Variants in BARD1 observed in about 807,000 individuals in gnomAD.
BARD1 encodes the protein BRCA1 associated RING domain 1.
A neutral mutation model predicts 77.0 loss-of-function variants in BARD1; 73 were observed. The ratio of observed to expected loss-of-function variants is 0.95; its 90% CI spans 0.79 to 1.15. The LOEUF is 1.15. BARD1 is among the 50% of genes most tolerant of loss of function. BARD1 has a pLI of 0.00. For synonymous variants in BARD1, 384 were observed against 338.0 expected (o/e 1.14, Z -1.49); for missense variants, 993 against 938.8 (o/e 1.06, Z -0.75).
intron 5 of BARD1, among the ~76,000 whole-genome samples, chr2:214,768,502 C>T (rs16852666): frequency 0.37 from 56,430 of 151,944 alleles, 10,606 homozygotes; most frequent in Middle Eastern, 0.44. Context: ...ACCAGCAAAG[C>T]GACTGATCTA....
In BARD1 at chr2:214,738,585, T is replaced by A. The variant is rs954007164; in HGVS notation, c.1903+6482A>T. Among the ~76,000 whole-genome samples the A allele has an allele frequency of 2.0e-5, 3 of 152,200 alleles. No homozygotes were observed. The East Asian group carries it at 5.8e-4, about 29-fold the overall frequency. Reference sequence around the variant, plus strand: ...CTGTTTTAGCTGCATGGACCACTGATGATGGTCATGGTTTTATATTAAGCT... The same window carrying A: ...CTGTTTTAGCTGCATGGACCACTGAAGATGGTCATGGTTTTATATTAAGCT... On this transcript the variant is annotated intron_variant, in intron 9 of 10. Coordinates refer to ENST00000260947, the MANE Select transcript of BARD1 (RefSeq NM_000465.4).
At chr2:214,792,561 T>A (rs928697539) in intron 2 of BARD1, 116 bp from the exon 3 acceptor site, 4 of 955,214 alleles carry the variant, frequency 4.2e-6, no homozygotes, top group Non-Finnish European at 6.1e-6. Flanking sequence ...CATACAATGG[T>A]CAATTGTAAT....
chr2:214,806,484 G>A (rs896854360), intron 1 of BARD1, among the ~76,000 whole-genome samples: 12 of 152,192 alleles, frequency 7.9e-5, no homozygotes, highest in African/African-American at 2.9e-4. Flanking sequence ...TTTCCTCCTT[G>A]AGTAAGGTGC....
intron 3 of BARD1, among the ~76,000 whole-genome samples, chr2:214,791,430 G>T (rs187170215): frequency 6.6e-6 from 1 of 152,158 alleles, no homozygotes; most frequent in Admixed American, 6.5e-5. Flanking sequence ...ATGGCATCCT[G>T]CCAGTCAAGA....
At chr2:214,764,776 A>C (rs1022731103) in intron 6 of BARD1, among the ~76,000 whole-genome samples, 1 of 152,200 alleles carries the variant, frequency 6.6e-6, no homozygotes, top group Non-Finnish European at 1.5e-5. Flanking sequence ...AAGTAACCTG[A>C]AAAGGAGGAG....
At chr2:214,807,589 T>A (rs924090634) in intron 1 of BARD1, among the ~76,000 whole-genome samples, 2 of 152,244 alleles carry the variant, frequency 1.3e-5, no homozygotes, top group Non-Finnish European at 2.9e-5. Context: ...CCCTAAGAGA[T>A]GGAATTTATT....
chr2:214,748,961 C>G (rs1309623423), intron 7 of BARD1, among the ~76,000 whole-genome samples: 1 of 152,254 alleles, frequency 6.6e-6, no homozygotes, highest in African/African-American at 2.4e-5. Context: ...TGCCCTCACA[C>G]AGTTTATATT....
At chr2:214,733,771 C>A (rs1251988587) in intron 9 of BARD1, among the ~76,000 whole-genome samples, 1 of 152,046 alleles carries the variant, frequency 6.6e-6, no homozygotes, top group East Asian at 1.9e-4. Context: ...AAATTACATC[C>A]ATGTTTTAAA....
chr2:214,735,912 C>T (rs1420556748), intron 9 of BARD1, among the ~76,000 whole-genome samples: 1 of 152,000 alleles, frequency 6.6e-6, no homozygotes, highest in African/African-American at 2.4e-5. Flanking sequence ...ACACTCAGGA[C>T]GTCTATGATT....
chr2:214,792,990 G>A (rs1052148206), intron 2 of BARD1, among the ~76,000 whole-genome samples: 1 of 151,940 alleles, frequency 6.6e-6, no homozygotes, highest in Non-Finnish European at 1.5e-5. Context: ...CTAATTTTGG[G>A]GTTTATAGAC....
chr2:214,744,984 G>C lies in BARD1; in HGVS notation c.1903+83C>G, dbSNP rs1457513104. ...CCAGAGGTAAGAAAATTAACATCAA[G>C]TTCCTTAATCACAGGCATTAATAAC... On this transcript the variant is annotated intron_variant, in intron 9 of 10. Transcript: ENST00000260947. 41 of 1,202,140 alleles carry C rather than the reference G, an allele frequency of 3.4e-5. 1 individual carries two copies. The East Asian group carries it at 9.7e-4, about 28-fold the overall frequency. 74.5% of individuals were successfully genotyped at this position (1,202,140 alleles called of 1,614,324 possible).
At chr2:214,738,032 T>A (rs959122216) in intron 9 of BARD1, among the ~76,000 whole-genome samples, 1 of 152,182 alleles carries the variant, frequency 6.6e-6, no homozygotes, top group Non-Finnish European at 1.5e-5. Context: ...TTACCTTGCA[T>A]GAGTAAGTTT....
intron 3 of BARD1, among the ~76,000 whole-genome samples, chr2:214,790,185 C>T (rs115021313): frequency 5.5e-4 from 83 of 152,174 alleles, no homozygotes; most frequent in African/African-American, 2.0e-3. Context: ...TAACTGACAA[C>T]GGTAAATCCA....
rs587781713 is a variant in BARD1, at chr2:214,809,532, C to G, written c.38G>C (p.Arg13Thr). The change falls in exon 1 of 11, where the codon AGG (arginine) becomes ACG (threonine). Residue 13 changes from arginine (R) to threonine (T), a missense_variant. Arg to Thr is a moderately conservative substitution (Grantham distance 71, BLOSUM62 -1). Coordinates refer to ENST00000260947, the MANE Select transcript of BARD1 (RefSeq NM_000465.4). ...DNRQPRNRQP[R>T]IRSGNEPRSA... is the part of the protein sequence containing the mutation. Reference sequence around the variant, plus strand: ...ACGAGGCTCGTTCCCGGAGCGGATCCTCGGCTGCCGGTTCCTCGGCTGCCG... The same window carrying G: ...ACGAGGCTCGTTCCCGGAGCGGATCGTCGGCTGCCGGTTCCTCGGCTGCCG... The G allele has an allele frequency of 6.3e-7, 1 of 1,583,258 alleles. No individual in the cohort carries two copies. The highest frequency in any genetic ancestry group is 8.6e-7 in the Non-Finnish European group (1 of 1,166,630).
chr2:214,765,568 T>C (rs1351787625), intron 6 of BARD1, among the ~76,000 whole-genome samples: 5 of 152,152 alleles, frequency 3.3e-5, no homozygotes, highest in African/African-American at 7.2e-5. Flanking sequence ...CAGTGCTCCA[T>C]CCATTAAAGT....
rs939497775 is a variant in BARD1, at chr2:214,745,937, G to A, written c.1678-83C>T. 13 of 1,480,758 alleles carry A rather than the reference G, an allele frequency of 8.8e-6. No individual in the cohort carries two copies. The East Asian group carries it at 1.1e-4, about 13-fold the overall frequency. 91.7% of individuals were successfully genotyped at this position (1,480,758 alleles called of 1,614,324 possible). A position where few individuals can be genotyped will look rare whatever the true frequency, so the allele number is the denominator to read the frequency against. Reference sequence around the variant, plus strand: ...TTAAACAGACTGTTACTTGATATAAGCTTGAATTTCATTACTTAGTTTACT... The same window carrying A: ...TTAAACAGACTGTTACTTGATATAAACTTGAATTTCATTACTTAGTTTACT... On this transcript the variant is annotated intron_variant, in intron 7 of 10. Transcript: ENST00000260947.
At chr2:214,782,702 A>G (rs1574824275) in intron 3 of BARD1, among the ~76,000 whole-genome samples, 4 of 152,152 alleles carry the variant, frequency 2.6e-5, no homozygotes, top group Admixed American at 1.3e-4. Context: ...GGAAGGCATC[A>G]AGGAGAAGTT....
chr2:214,730,762 G>A (rs770348371), intron 9 of BARD1: 4 of 493,502 alleles, frequency 8.1e-6, no homozygotes, highest in Non-Finnish European at 1.5e-5. Flanking sequence ...AACACTAACT[G>A]TAATTTTAAT....
intron 5 of BARD1, among the ~76,000 whole-genome samples, chr2:214,768,457 T>G (rs1172085489): frequency 6.6e-6 from 1 of 152,188 alleles, no homozygotes; most frequent in Admixed American, 6.5e-5. Flanking sequence ...AAAATTAACC[T>G]TTCTTTGAAA....
Sources: allele counts gnomAD v4.1 joint callset (sites outside exome capture counted in the v4.1 genomes callset), GRCh38; gene constraint gnomAD v4.1.1; transcripts MANE v1.5; gene names NCBI Gene and HGNC (gene_info 2026-07-23, HGNC 2026-07-21).